Variants in CLIC5 observed in about 807,000 individuals in gnomAD.
The protein encoded by CLIC5 is CLIC family member 5.
In CLIC5, 20 loss-of-function variants were observed where a neutral mutation model predicts 24.7. The observed-to-expected ratio is 0.81, with a 90% CI of 0.57 to 1.18. The LOEUF is 1.18. Among genes scored for constraint, CLIC5 ranks in the 50% most tolerant of loss-of-function variants. The pLI is 0.00. For synonymous variants in CLIC5, 159 were observed against 135.6 expected, an observed-to-expected ratio of 1.17 and a Z score of -1.20; for missense variants, 341 against 326.1, an observed-to-expected ratio of 1.05 and a Z score of -0.35.
At position 46,070,354 on chromosome 6, in the gene CLIC5, T is replaced by C. The variant is rs115809989; in HGVS notation, c.540+9349A>G. 2.9e-3 allele frequency among the ~76,000 whole-genome samples: 442 copies of C among 152,294 alleles called. 1 individual carries two copies. Among genetic ancestry groups the C allele is most frequent in the African/African-American group, 9.8e-3 (409 of 41,554 alleles). On this transcript the variant is annotated intron_variant, in intron 1 of 5. Transcript: ENST00000185206. ...GTCTTGGCCCAAAAGCTCCTTAAGC[T>C]AGTAAGCAACTTCAGTGAAGTTTCA...
intron 4 of CLIC5, among the ~76,000 whole-genome samples, chr6:45,933,557 G>C (rs1232730086): frequency 6.6e-6 from 1 of 152,236 alleles, no homozygotes; most frequent in Non-Finnish European, 1.5e-5. Flanking sequence ...TCTTTCGGAA[G>C]TTAGAAGCAC....
chr6:45,958,537 A>G (rs1764743585), intron 1 of CLIC5, among the ~76,000 whole-genome samples: 1 of 147,548 alleles, frequency 6.8e-6, no homozygotes, highest in East Asian at 2.0e-4. Context: ...TGCCAGCTAT[A>G]ATCCTAAAGT....
chr6:46,127,934 A>G, the CLIC5 span, among the ~76,000 whole-genome samples: 1 of 152,208 alleles, frequency 6.6e-6, no homozygotes, highest in Non-Finnish European at 1.5e-5. Context: ...TTTACCACTA[A>G]AGGAACCAGA....
intron 4 of CLIC5, among the ~76,000 whole-genome samples, chr6:45,939,820 T>TG (rs199593462): frequency 6.7e-6 from 1 of 149,536 alleles, no homozygotes; most frequent in African/African-American, 2.5e-5. Context: ...AAAAACAAGT[T>TG]TTTTTTTTTT....
At chr6:46,121,996 C>T in the CLIC5 span, among the ~76,000 whole-genome samples, 2 of 152,158 alleles carry the variant, frequency 1.3e-5, no homozygotes, top group African/African-American at 2.4e-5. Flanking sequence ...CTTTAACACC[C>T]CACTGTCAAC....
Position 45,993,928 on chromosome 6 carries a change from C to G in CLIC5, c.63+21552G>C, listed in dbSNP as rs545899390. 2.0e-5 allele frequency among the ~76,000 whole-genome samples: 3 copies of G among 152,252 alleles called. No individual in the cohort carries two copies. The South Asian group carries it at 6.2e-4, about 32-fold the overall frequency. On this transcript the variant is annotated intron_variant, in intron 1 of 5. Transcript: ENST00000339561. ...AGCTCACCACCTTTCTCAAGATACC[C>G]CATTGCTCTGTTGGGGAAGTTTTAT... is the stretch of plus-strand genomic sequence containing the variant.
the CLIC5 span, among the ~76,000 whole-genome samples, chr6:46,118,073 G>A: frequency 6.6e-6 from 1 of 152,154 alleles, no homozygotes; most frequent in African/African-American, 2.4e-5. Context: ...AGTGCCAACT[G>A]TGCATCTCAC....
At chr6:46,013,304 A>G (rs554691993) in intron 1 of CLIC5, among the ~76,000 whole-genome samples, 2 of 152,386 alleles carry the variant, frequency 1.3e-5, no homozygotes, top group African/African-American at 4.8e-5. Context: ...GAGAAACTCC[A>G]AACTTTGGAA....
chr6:46,072,758 T>C (rs1646763176), intron 1 of CLIC5, among the ~76,000 whole-genome samples: 1 of 152,160 alleles, frequency 6.6e-6, no homozygotes, highest in African/African-American at 2.4e-5. Flanking sequence ...TTTCACCCCA[T>C]AGCTTATTCT....
intron 1 of CLIC5, among the ~76,000 whole-genome samples, chr6:46,050,402 T>C (rs574511300): frequency 5.3e-5 from 8 of 152,290 alleles, no homozygotes; most frequent in South Asian, 2.1e-4. Flanking sequence ...CAACACAATA[T>C]ACCATTTGTC....
chr6:45,934,484 G>A (rs896698108), intron 4 of CLIC5, among the ~76,000 whole-genome samples: 2 of 152,188 alleles, frequency 1.3e-5, no homozygotes, highest in African/African-American at 4.8e-5. Context: ...CATCCAGATT[G>A]GGCAAAACAC....
intron 1 of CLIC5, among the ~76,000 whole-genome samples, chr6:45,955,677 A>T (rs1436722896): frequency 6.6e-6 from 1 of 152,062 alleles, no homozygotes; most frequent in Non-Finnish European, 1.5e-5. Flanking sequence ...TGCTCTAACA[A>T]TTAGAAATGC....
chr6:46,034,363 C>T (rs1767603748), intron 1 of CLIC5, among the ~76,000 whole-genome samples: 1 of 152,198 alleles, frequency 6.6e-6, no homozygotes, highest in African/African-American at 2.4e-5. Context: ...AAGGCAAAAC[C>T]CACCATTCGG....
chr6:46,034,780 T>G (rs1364671777), intron 1 of CLIC5, among the ~76,000 whole-genome samples: 1 of 152,138 alleles, frequency 6.6e-6, no homozygotes, highest in Non-Finnish European at 1.5e-5. Context: ...ATCTCAAAAC[T>G]TCTTATAGCA....
intron 5 of CLIC5, chr6:45,912,658 G>A (rs892795033): frequency 1.1e-5 from 17 of 1,532,242 alleles, no homozygotes; most frequent in Non-Finnish European, 1.3e-5. Context: ...CGGAACTCGG[G>A]TCTCCTGATC....
At chr6:46,091,636 G>A in the CLIC5 span, among the ~76,000 whole-genome samples, 1 of 152,320 alleles carries the variant, frequency 6.6e-6, no homozygotes, top group South Asian at 2.1e-4. Context: ...TACTTGGGAG[G>A]TTGAGGAGGG....
intron 4 of CLIC5, among the ~76,000 whole-genome samples, chr6:45,938,366 C>T (rs1432170313): frequency 6.6e-6 from 1 of 152,064 alleles, no homozygotes; most frequent in Non-Finnish European, 1.5e-5. Flanking sequence ...AATTTTGGAC[C>T]CAGTTGACCA....
At chr6:46,096,063 C>A in the CLIC5 span, among the ~76,000 whole-genome samples, 3 of 152,178 alleles carry the variant, frequency 2.0e-5, no homozygotes, top group African/African-American at 7.2e-5. Flanking sequence ...CCTCAGGGAG[C>A]TTTTACTCAT....
At chr6:45,938,580 G>T (rs927847843) in intron 4 of CLIC5, among the ~76,000 whole-genome samples, 4 of 152,134 alleles carry the variant, frequency 2.6e-5, no homozygotes, top group Non-Finnish European at 5.9e-5. Context: ...AGTCACAAGG[G>T]CAAGTCTCAT....
Sources: gnomAD v4.1 joint callset for allele counts (sites outside exome capture counted in the v4.1 genomes callset) on GRCh38, gnomAD v4.1.1 for gene constraint, MANE v1.5 for transcripts, NCBI Gene and HGNC (gene_info 2026-07-23, HGNC 2026-07-21) for gene names.